Variants in CCSER1 observed in about 807,000 individuals in gnomAD.
CCSER1 encodes the protein coiled-coil serine rich protein 1, also known as serine-rich coiled-coil domain-containing protein 1.
Under a neutral mutation model 82.0 loss-of-function variants are expected in CCSER1, and 41 were observed. The observed-to-expected ratio is 0.50, with a 90% CI of 0.39 to 0.65. The LOEUF is 0.65. Among genes scored for constraint, CCSER1 ranks in the 30% least tolerant of loss-of-function variants. The pLI is 0.00. For synonymous variants in CCSER1, 414 were observed against 383.9 expected (o/e 1.08, Z -0.92); for missense variants, 1,119 against 1,064.2 (o/e 1.05, Z -0.72).
chr4:90,455,302 G>T (rs1421375639), intron 4 of CCSER1, among the ~76,000 whole-genome samples: 2 of 152,190 alleles, frequency 1.3e-5, no homozygotes, highest in Non-Finnish European at 2.9e-5. Flanking sequence ...ATATAAGGCA[G>T]ATTTTCTCCA....
intron 8 of CCSER1, among the ~76,000 whole-genome samples, chr4:90,846,337 A>C (rs1461191157): frequency 1.3e-5 from 2 of 152,200 alleles, no homozygotes; most frequent in Non-Finnish European, 2.9e-5. Context: ...TATATCATCC[A>C]TCCTCACAGA....
At chr4:91,267,058 C>G (rs967211307) in intron 10 of CCSER1, among the ~76,000 whole-genome samples, 2 of 152,170 alleles carry the variant, frequency 1.3e-5, no homozygotes, top group African/African-American at 4.8e-5. Context: ...CTTCCCACAT[C>G]CCACATTCTA....
At chr4:90,423,522 C>A (rs1757037246) in intron 4 of CCSER1, among the ~76,000 whole-genome samples, 1 of 151,948 alleles carries the variant, frequency 6.6e-6, no homozygotes, top group South Asian at 2.1e-4. Context: ...CCGCTTCTGG[C>A]TCCACCAGGT....
Position 91,375,534 on chromosome 4 carries a change from T to TAA in CCSER1, c.2218-223038_2218-223037insAA, listed in dbSNP as rs1553929941. On this transcript the variant is annotated intron_variant, in intron 10 of 10. Coordinates refer to ENST00000509176, the MANE Select transcript of CCSER1 (RefSeq NM_001145065.2). Reference sequence around the variant, plus strand: ...TCACTGTTGTCTTTTTTTTTTTTTTTTAAGACAACTAAAGCCACTTAAACT... The same window carrying TAA: ...TCACTGTTGTCTTTTTTTTTTTTTTTAATAAGACAACTAAAGCCACTTAAACT... Among the ~76,000 whole-genome samples, 142 of 151,828 alleles carry TAA rather than the reference T, an allele frequency of 9.4e-4. 1 individual carries two copies. Among genetic ancestry groups the TAA allele is most frequent in the African/African-American group, 3.4e-3 (140 of 41,346 alleles).
chr4:90,658,956 TAC>T (rs1298787256), intron 6 of CCSER1, among the ~76,000 whole-genome samples: 8 of 152,166 alleles, frequency 5.3e-5, no homozygotes, highest in Non-Finnish European at 1.2e-4. Context: ...ATGTACTGTA[TAC>T]ACACACATGT....
intron 9 of CCSER1, among the ~76,000 whole-genome samples, chr4:91,022,343 T>TA (rs1217735952): frequency 2.0e-5 from 3 of 152,136 alleles, no homozygotes; most frequent in African/African-American, 7.2e-5. Flanking sequence ...CATCATTTTT[T>TA]ATGGCTGCAG....
Position 91,231,302 on chromosome 4 carries a change from C to A in CCSER1, c.2217+145308C>A, listed in dbSNP as rs1166686234. Among the ~76,000 whole-genome samples the A allele has an allele frequency of 4.0e-5, 6 of 151,812 alleles. No individual in the cohort carries two copies. In the East Asian group the frequency reaches 1.2e-3, roughly 29 times the overall value. On this transcript the variant is annotated intron_variant, in intron 10 of 10. Transcript: ENST00000509176. The stretch of plus-strand genomic sequence containing the variant: ...TTAAAAATTAATTCATAGATATGTC[C>A]ATTGACTCAAGGTCATGAGATATTT...
intron 10 of CCSER1, among the ~76,000 whole-genome samples, chr4:91,481,304 T>C (rs142121888): frequency 6.6e-6 from 1 of 152,168 alleles, no homozygotes; most frequent in African/African-American, 2.4e-5. Context: ...TTGGCAGTTT[T>C]GGTTTATCCT....
chr4:91,228,026 T>C (rs80257326), intron 10 of CCSER1, among the ~76,000 whole-genome samples: 2 of 152,178 alleles, frequency 1.3e-5, no homozygotes, highest in East Asian at 1.9e-4. Context: ...TCTGTGACTT[T>C]ATTTTATTTC....
chr4:91,106,359 AT>A (rs1435977271), intron 10 of CCSER1, among the ~76,000 whole-genome samples: 1 of 152,222 alleles, frequency 6.6e-6, no homozygotes, highest in East Asian at 1.9e-4. Flanking sequence ...GCTAGAAAAT[AT>A]GTCTCCAGTG....
chr4:91,302,007 G>C (rs1744707154), intron 10 of CCSER1, among the ~76,000 whole-genome samples: 2 of 146,108 alleles, frequency 1.4e-5, no homozygotes, highest in Admixed American at 6.9e-5. Flanking sequence ...TTTTTCCCTT[G>C]TTTATTTCTT....
At chr4:90,274,539 T>A (rs1727183603) in intron 1 of CCSER1, among the ~76,000 whole-genome samples, 1 of 152,038 alleles carries the variant, frequency 6.6e-6, no homozygotes, top group Non-Finnish European at 1.5e-5. Context: ...TCCAGTAAAG[T>A]TTTTAGAATT....
chr4:91,277,891 T>G (rs1742608543), intron 10 of CCSER1, among the ~76,000 whole-genome samples: 1 of 152,204 alleles, frequency 6.6e-6, no homozygotes, highest in Non-Finnish European at 1.5e-5. Context: ...TCAATTTTCA[T>G]CTTTTCAATA....
intron 8 of CCSER1, among the ~76,000 whole-genome samples, chr4:90,882,628 A>G (rs2150078666): frequency 6.6e-6 from 1 of 152,186 alleles, no homozygotes; most frequent in African/African-American, 2.4e-5. Flanking sequence ...TACTTTTATA[A>G]CTGAGCTCTA....
At chr4:90,477,018 C>A (rs1206993098) in intron 5 of CCSER1, among the ~76,000 whole-genome samples, 1 of 152,086 alleles carries the variant, frequency 6.6e-6, no homozygotes, top group African/African-American at 2.4e-5. Flanking sequence ...AGGTGCATCA[C>A]CATTGTTTTG....
intron 6 of CCSER1, among the ~76,000 whole-genome samples, chr4:90,631,749 G>A (rs1249663626): frequency 6.6e-6 from 1 of 152,118 alleles, no homozygotes; most frequent in African/African-American, 2.4e-5. Flanking sequence ...AATCCAAAAT[G>A]CTCCAAAATT....
At chr4:91,346,306 C>T (rs1349638977) in intron 10 of CCSER1, among the ~76,000 whole-genome samples, 5 of 152,004 alleles carry the variant, frequency 3.3e-5, no homozygotes, top group Non-Finnish European at 2.9e-5. Context: ...TGAGCCACGG[C>T]GCCTGGTCTT....
chr4:90,429,636 C>G (rs1022975888), intron 4 of CCSER1, among the ~76,000 whole-genome samples: 1 of 151,592 alleles, frequency 6.6e-6, no homozygotes. Flanking sequence ...GACAGTGTTA[C>G]GGACAAGAAT....
chr4:91,452,910 C>A (rs1755947437), intron 10 of CCSER1, among the ~76,000 whole-genome samples: 1 of 152,078 alleles, frequency 6.6e-6, no homozygotes, highest in Non-Finnish European at 1.5e-5. Flanking sequence ...ACCTTGGTAA[C>A]TGTTGCCGAA....
Sources: gnomAD v4.1 joint callset for allele counts (sites outside exome capture counted in the v4.1 genomes callset) on GRCh38, gnomAD v4.1.1 for gene constraint, MANE v1.5 for transcripts, NCBI Gene and HGNC (gene_info 2026-07-23, HGNC 2026-07-21) for gene names.